Variants in CASD1 observed in about 807,000 individuals in gnomAD.
CASD1 encodes the protein CAS1 domain sialic acid O acetyltransferase 1, also known as N-acetylneuraminate (7)9-O-acetyltransferase.
A neutral mutation model predicts 100.0 loss-of-function variants in CASD1; 41 were observed. That is an observed-to-expected ratio of 0.41 (90% CI 0.32 to 0.53). CASD1 has a LOEUF of 0.53. CASD1 is among the 20% of genes least tolerant of loss of function. The pLI, the probability that CASD1 is intolerant of heterozygous loss-of-function variation, is 0.25. For missense variants in CASD1, 774 were observed against 948.7 expected (o/e 0.82, Z 2.42); for synonymous variants, 321 against 315.6 (o/e 1.02, Z -0.18).
the CASD1 span, chr7:94,617,446 C>A: frequency 3.3e-5 from 5 of 152,206 alleles, no homozygotes; most frequent in East Asian, 1.9e-4. Flanking sequence ...TTGTGGAACA[C>A]ATTACCTTAA....
chr7:94,597,523 C>T, the CASD1 span: 1 of 151,784 alleles, frequency 6.6e-6, no homozygotes, highest in African/African-American at 2.4e-5. Flanking sequence ...AATATTATAT[C>T]CTAAGGGGTG....
At chr7:94,540,602 A>G (rs1795346715) in intron 10 of CASD1, among the ~76,000 whole-genome samples, 1 of 152,144 alleles carries the variant, frequency 6.6e-6, no homozygotes, top group Non-Finnish European at 1.5e-5. Context: ...GCTGCAGCTG[A>G]CGGGAAGCTA....
chr7:94,617,666 C>G, the CASD1 span: 1 of 152,204 alleles, frequency 6.6e-6, no homozygotes, highest in African/African-American at 2.4e-5. Flanking sequence ...AACCATTTTC[C>G]TCAAAGGACT....
chr7:94,560,435 A>C (rs796925097), downstream of CASD1, among the ~76,000 whole-genome samples: 9 of 152,320 alleles, frequency 5.9e-5, no homozygotes, highest in African/African-American at 2.2e-4. Context: ...CAAAGTACGT[A>C]ATGCATAAGG....
chr7:94,510,331 C>A, intron 1 of CASD1, 114 bp downstream of exon 1: 1 of 816,046 alleles, frequency 1.2e-6, no homozygotes, highest in Non-Finnish European at 1.7e-6. Flanking sequence ...CCGGCCCGGC[C>A]CGCGGGGGAG....
chr7:94,627,122 G>T, the CASD1 span: 2 of 151,910 alleles, frequency 1.3e-5, no homozygotes, highest in African/African-American at 2.4e-5. Context: ...ATGATTTATA[G>T]ATAGAAATCA....
chr7:94,597,046 T>C, the CASD1 span, among the ~76,000 whole-genome samples: 1 of 152,186 alleles, frequency 6.6e-6, no homozygotes, highest in Non-Finnish European at 1.5e-5. Context: ...CATCAGTATC[T>C]AATCCCGGTA....
intron 14 of CASD1, among the ~76,000 whole-genome samples, chr7:94,550,399 T>C (rs1384830857): frequency 3.3e-5 from 5 of 152,180 alleles, no homozygotes; most frequent in South Asian, 2.1e-4. Flanking sequence ...ATAAAATCTT[T>C]GCTAAAGTCT....
At chr7:94,511,168 T>C (rs969866054) in intron 1 of CASD1, among the ~76,000 whole-genome samples, 4 of 152,212 alleles carry the variant, frequency 2.6e-5, no homozygotes, top group Non-Finnish European at 4.4e-5. Flanking sequence ...TAGGATCTTT[T>C]ATTTTTGGCT....
At chr7:94,559,038 G>C (rs182565200), downstream of CASD1, among the ~76,000 whole-genome samples, 2 of 152,034 alleles carry the variant, frequency 1.3e-5, no homozygotes, top group East Asian at 3.9e-4. Flanking sequence ...GGCCTCAAGC[G>C]ATCCACCTGC....
intron 8 of CASD1, 50 bp from the exon 9 acceptor site, chr7:94,537,422 G>A (rs1795174013): frequency 6.6e-7 from 1 of 1,504,318 alleles, no homozygotes. Flanking sequence ...AATTTAATGT[G>A]AAATACATCA....
the CASD1 span, chr7:94,622,754 T>C: frequency 2.6e-5 from 4 of 152,204 alleles, no homozygotes; most frequent in South Asian, 4.2e-4. Flanking sequence ...TCTTAGGAAA[T>C]CACTTACAAT....
chr7:94,594,885 AAC>A, the CASD1 span, among the ~76,000 whole-genome samples: 6 of 152,122 alleles, frequency 3.9e-5, no homozygotes, highest in African/African-American at 1.4e-4. Context: ...AAGCAAAAGA[AAC>A]ACAGTACAAA....
the CASD1 span, chr7:94,623,413 A>G: frequency 6.6e-6 from 10 of 1,514,580 alleles, no homozygotes; most frequent in Non-Finnish European, 9.2e-6. Context: ...ATAAAAGGAA[A>G]ACCATATTAA....
At chr7:94,592,689 T>A in the CASD1 span, among the ~76,000 whole-genome samples, 1 of 152,138 alleles carries the variant, frequency 6.6e-6, no homozygotes, top group Non-Finnish European at 1.5e-5. Flanking sequence ...ACACAATTAT[T>A]TCTTATGTGT....
chr7:94,515,467 C>G (rs1344070974), intron 1 of CASD1, among the ~76,000 whole-genome samples: 1 of 150,256 alleles, frequency 6.7e-6, no homozygotes, highest in Non-Finnish European at 1.5e-5. Flanking sequence ...TGTTTTCCAT[C>G]AACTCAACAA....
At chr7:94,568,248 A>G in the CASD1 span, among the ~76,000 whole-genome samples, 2 of 152,196 alleles carry the variant, frequency 1.3e-5, no homozygotes, top group Non-Finnish European at 2.9e-5. Flanking sequence ...AATTTAGTAT[A>G]TGCTATAGGT....
At chr7:94,629,707 C>T in the CASD1 span, 1 of 1,610,020 alleles carries the variant, frequency 6.2e-7, no homozygotes, top group Non-Finnish European at 8.5e-7. Flanking sequence ...TTTTTCCTCA[C>T]AAAGAACATA....
intron 3 of CASD1, among the ~76,000 whole-genome samples, chr7:94,525,543 G>A (rs1375016076): frequency 2.0e-5 from 3 of 152,156 alleles, no homozygotes; most frequent in Admixed American, 6.5e-5. Context: ...TATTAAAAAA[G>A]GAAAAAGAAG....
Sources: allele counts gnomAD v4.1 joint callset (sites outside exome capture counted in the v4.1 genomes callset), GRCh38; gene constraint gnomAD v4.1.1; transcripts MANE v1.5; gene names NCBI Gene and HGNC (gene_info 2026-07-23, HGNC 2026-07-21).